The following VWC2 variants were observed in gnomAD, a reference collection of about 807,000 sequenced individuals.
VWC2 encodes brorin.
In VWC2, 14 loss-of-function variants were observed where a neutral mutation model predicts 29.8. That is an observed-to-expected ratio of 0.47 (90% CI 0.31 to 0.74). The LOEUF (loss-of-function observed/expected upper bound fraction) is 0.74, where lower values mean the gene tolerates loss of function less well. Among genes scored for constraint, VWC2 ranks in the 30% least tolerant of loss-of-function variants. VWC2 has a pLI of 0.05. For missense variants in VWC2, 457 were observed against 459.8 expected, an observed-to-expected ratio of 0.99 and a Z score of 0.05; for synonymous variants, 213 against 199.0, an observed-to-expected ratio of 1.07 and a Z score of -0.59.
chr7:49,863,915 A>T (rs188089634), intron 3 of VWC2, among the ~76,000 whole-genome samples: 110 of 152,222 alleles, frequency 7.2e-4, no homozygotes, highest in East Asian at 1.2e-3. Context: ...CCCTTTTAGC[A>T]TAGTTTTTTC....
chr7:49,811,699 A>G (rs1439485220), intron 3 of VWC2, among the ~76,000 whole-genome samples: 1 of 152,230 alleles, frequency 6.6e-6, no homozygotes, highest in African/African-American at 2.4e-5. Flanking sequence ...AAAATGGAAA[A>G]ATATTGTTGG....
At chr7:49,888,940 A>C (rs933285354) in intron 3 of VWC2, among the ~76,000 whole-genome samples, 2 of 152,054 alleles carry the variant, frequency 1.3e-5, no homozygotes, top group Non-Finnish European at 1.5e-5. Context: ...AACAAAAAAA[A>C]ACAAAAGAAG....
chr7:49,803,295 G>A (rs757439252), intron 3 of VWC2, among the ~76,000 whole-genome samples: 4 of 152,230 alleles, frequency 2.6e-5, no homozygotes, highest in Non-Finnish European at 5.9e-5. Flanking sequence ...GCCCCTGGTA[G>A]ATCAGAAGCC....
intron 2 of VWC2, among the ~76,000 whole-genome samples, chr7:49,789,350 T>C (rs1788411246): frequency 6.6e-6 from 1 of 151,304 alleles, no homozygotes; most frequent in Non-Finnish European, 1.5e-5. Flanking sequence ...AGTGTATATG[T>C]GGCTGTGTGT....
At chr7:49,878,217 G>A (rs1248325279) in intron 3 of VWC2, among the ~76,000 whole-genome samples, 3 of 151,956 alleles carry the variant, frequency 2.0e-5, no homozygotes, top group Non-Finnish European at 4.4e-5. Context: ...ACATATATTC[G>A]TTCCTTGTAT....
At chr7:49,780,837 TTC>T (rs1788157871) in intron 2 of VWC2, among the ~76,000 whole-genome samples, 1 of 152,204 alleles carries the variant, frequency 6.6e-6, no homozygotes, top group African/African-American at 2.4e-5. Flanking sequence ...TTAAACCAAA[TTC>T]TCTCTGACTG....
At chr7:49,836,097 T>A (rs1262116587) in intron 3 of VWC2, among the ~76,000 whole-genome samples, 1 of 152,206 alleles carries the variant, frequency 6.6e-6, no homozygotes, top group East Asian at 1.9e-4. Context: ...CAGATAGAAG[T>A]CTGTGTTGCT....
intron 2 of VWC2, among the ~76,000 whole-genome samples, chr7:49,788,316 G>A (rs543436216): frequency 6.6e-4 from 100 of 152,290 alleles, no homozygotes; most frequent in African/African-American, 2.3e-3. Context: ...GTTGGAGCCC[G>A]GCCAGCTTTG....
chr7:49,843,871 A>C (rs1374486781), intron 3 of VWC2, among the ~76,000 whole-genome samples: 2 of 152,254 alleles, frequency 1.3e-5, no homozygotes, highest in Non-Finnish European at 2.9e-5. Context: ...AATGGAAAAA[A>C]GAAGACCAAT....
chr7:49,891,896 T>C (rs1792144985), intron 3 of VWC2, among the ~76,000 whole-genome samples: 1 of 152,166 alleles, frequency 6.6e-6, no homozygotes, highest in Admixed American at 6.5e-5. Context: ...AAAGTAAATA[T>C]CTATCAAGAG....
chr7:49,789,391 G>T (rs1234612960), intron 2 of VWC2, among the ~76,000 whole-genome samples: 7 of 151,330 alleles, frequency 4.6e-5, no homozygotes, highest in Non-Finnish European at 8.9e-5. Flanking sequence ...GTATGAAGTA[G>T]GCATAGTGGT....
intron 3 of VWC2, among the ~76,000 whole-genome samples, chr7:49,900,128 T>C (rs1003471654): frequency 1.3e-5 from 2 of 151,676 alleles, no homozygotes; most frequent in East Asian, 1.9e-4. Flanking sequence ...AAATAAAAAT[T>C]TAGTTTATTT....
At chr7:49,839,799 A>T (rs1288046015) in intron 3 of VWC2, among the ~76,000 whole-genome samples, 2 of 152,224 alleles carry the variant, frequency 1.3e-5, no homozygotes, top group Non-Finnish European at 2.9e-5. Flanking sequence ...CATGAACTCA[A>T]GTTAGGAGTG....
At chr7:49,788,813 T>C (rs1788372413) in intron 2 of VWC2, among the ~76,000 whole-genome samples, 1 of 145,258 alleles carries the variant, frequency 6.9e-6, no homozygotes, top group Non-Finnish European at 1.5e-5. Flanking sequence ...TGTGGGTGCG[T>C]GTGAGAGTGG....
At chr7:49,855,103 G>T (rs1790360802) in intron 3 of VWC2, among the ~76,000 whole-genome samples, 1 of 152,156 alleles carries the variant, frequency 6.6e-6, no homozygotes, top group Admixed American at 6.5e-5. Context: ...CAGCTGTGAA[G>T]ATAGAAATAA....
intron 3 of VWC2, among the ~76,000 whole-genome samples, chr7:49,820,812 A>T (rs1346873189): frequency 6.6e-6 from 1 of 152,224 alleles, no homozygotes; most frequent in Non-Finnish European, 1.5e-5. Context: ...AAAGATGAAC[A>T]TTGACAGTCA....
chr7:49,872,052 C>G lies in VWC2; in HGVS notation c.827-39982C>G, dbSNP rs879745590. Among the ~76,000 whole-genome samples the G allele has an allele frequency of 2.7e-5, 4 of 148,380 alleles. No homozygotes were observed. In the Admixed American group the frequency reaches 2.7e-4, roughly 10 times the overall value. ...TATAGAAAAAAATTAATAAACTAAA[C>G]AAAACTAAGTAGATGAATAATATAT... On this transcript the variant is annotated intron_variant, in intron 3 of 3. Transcript: ENST00000340652.
At chr7:49,859,781 C>T (rs557312474) in intron 3 of VWC2, among the ~76,000 whole-genome samples, 1,366 of 113,326 alleles carry the variant, frequency 0.012, 16 homozygotes, top group African/African-American at 0.043. Flanking sequence ...TCTTACAGTG[C>T]GCGTGCGTGC....
At chr7:49,876,386 T>C (rs148549246) in intron 3 of VWC2, among the ~76,000 whole-genome samples, 3 of 152,288 alleles carry the variant, frequency 2.0e-5, no homozygotes, top group African/African-American at 7.2e-5. Context: ...AGTCAATATC[T>C]ATGAGCCTTC....
Sources: allele counts gnomAD v4.1 joint callset (sites outside exome capture counted in the v4.1 genomes callset), GRCh38; gene constraint gnomAD v4.1.1; transcripts MANE v1.5; gene names NCBI Gene and HGNC (gene_info 2026-07-23, HGNC 2026-07-21).